DPYD: variants seen among roughly 807,000 people sequenced by gnomAD.
DPYD encodes dihydropyrimidine dehydrogenase [NADP(+)].
In DPYD, 109 loss-of-function variants were observed where a neutral mutation model predicts 116.2. The observed-to-expected ratio is 0.94, with a 90% CI of 0.80 to 1.10. The LOEUF (loss-of-function observed/expected upper bound fraction) is 1.10. Among genes scored for constraint, DPYD ranks in the 50% least tolerant of loss-of-function variants. The probability of loss-of-function intolerance (pLI) is 0.00; values close to 1 mark genes in which losing one functional copy is unlikely to be tolerated. For synonymous variants in DPYD, 440 were observed against 432.0 expected, an observed-to-expected ratio of 1.02 and a Z score of -0.23; for missense variants, 1,302 against 1,254.5, an observed-to-expected ratio of 1.04 and a Z score of -0.57.
intron 6 of DPYD, 147 bp from the exon 7 acceptor site, chr1:97,691,945 T>C: frequency 2.9e-6 from 2 of 679,340 alleles, no homozygotes; most frequent in Admixed American, 4.3e-5. Context: ...AAGATATGCA[T>C]GAGGACATCT....
At chr1:97,879,075 G>C (rs1672054428) in intron 2 of DPYD, among the ~76,000 whole-genome samples, 1 of 151,890 alleles carries the variant, frequency 6.6e-6, no homozygotes, top group Admixed American at 6.6e-5. Flanking sequence ...CAATTGCATA[G>C]GTTCAGTCTC....
At chr1:97,810,834 T>C (rs1668316847) in intron 3 of DPYD, among the ~76,000 whole-genome samples, 1 of 152,186 alleles carries the variant, frequency 6.6e-6, no homozygotes, top group Non-Finnish European at 1.5e-5. Context: ...ATACTCCTAG[T>C]ATAGAGAGTA....
In DPYD at chr1:97,086,352, G is replaced by GTT. The variant is rs35514561; in HGVS notation, c.2767-3884_2767-3883dup. On this transcript the variant is annotated intron_variant, in intron 21 of 22. Transcript: ENST00000370192. ...GGCGTGAGCCACGGCGCCTGGCCAA[G>GTT]TTTTTTTTTTTTTTTTTAATAGACC... 6.2e-4 allele frequency among the ~76,000 whole-genome samples: 89 copies of GTT among 143,870 alleles called. No individual in the cohort carries two copies. The Middle Eastern group carries it at 0.014, about 23-fold the overall frequency. The allele number at this position is 143,870 out of a possible 152,430, so 94.4% of individuals were successfully genotyped here. A position where few individuals can be genotyped will look rare whatever the true frequency, so the allele number is the denominator to read the frequency against.
intron 8 of DPYD, among the ~76,000 whole-genome samples, chr1:97,609,716 A>C (rs1438196319): frequency 2.6e-5 from 4 of 152,042 alleles, no homozygotes; most frequent in Non-Finnish European, 5.9e-5. Flanking sequence ...GCAGCATTTA[A>C]TCTTTATTGT....
intron 13 of DPYD, among the ~76,000 whole-genome samples, chr1:97,486,538 G>A (rs987666180): frequency 1.4e-4 from 21 of 152,074 alleles, no homozygotes; most frequent in African/African-American, 3.6e-4. Context: ...AGATGTTGGT[G>A]TTTTAAGAGA....
intron 16 of DPYD, among the ~76,000 whole-genome samples, chr1:97,349,782 T>C (rs1670046065): frequency 6.6e-6 from 1 of 152,102 alleles, no homozygotes; most frequent in Admixed American, 6.5e-5. Context: ...GTCTTTGCTA[T>C]TGTGAATAGT....
intron 18 of DPYD, among the ~76,000 whole-genome samples, chr1:97,299,279 T>A (rs559461495): frequency 2.2e-4 from 34 of 152,232 alleles, no homozygotes; most frequent in Middle Eastern, 3.4e-3. Flanking sequence ...TCATTCTTTA[T>A]GAAAAAACAC....
At chr1:97,734,643 T>C (rs1191571935) in intron 4 of DPYD, among the ~76,000 whole-genome samples, 1 of 152,170 alleles carries the variant, frequency 6.6e-6, no homozygotes, top group Non-Finnish European at 1.5e-5. Context: ...CTCTTCTAAT[T>C]AGAAATTAAA....
intron 20 of DPYD, among the ~76,000 whole-genome samples, chr1:97,165,966 C>T (rs1298494726): frequency 1.3e-5 from 2 of 151,934 alleles, no homozygotes; most frequent in African/African-American, 4.8e-5. Context: ...AACACTTATA[C>T]ACTGTTGGTG....
In DPYD at chr1:97,526,182, T is replaced by G. The variant is rs141521555; in HGVS notation, c.1525-10241A>C. On this transcript the variant is annotated intron_variant, in intron 12 of 22. Coordinates refer to ENST00000370192, the MANE Select transcript of DPYD (RefSeq NM_000110.4). ...ATGAATTGGCCTCAGATACTTATCA[T>G]GAGTTACAGGAAGATCTCATGAAAC... Among the ~76,000 whole-genome samples the G allele has an allele frequency of 1.5e-3, 234 of 152,274 alleles. 2 individuals are homozygous for G. The highest frequency in any genetic ancestry group is 5.0e-3 in the African/African-American group (207 of 41,562).
At chr1:97,562,038 G>T (rs561698817) in intron 11 of DPYD, among the ~76,000 whole-genome samples, 1 of 152,246 alleles carries the variant, frequency 6.6e-6, no homozygotes, top group South Asian at 2.1e-4. Context: ...TGCAGATGGG[G>T]ACAATGTATT....
At chr1:97,393,214 T>C (rs1294094084) in intron 14 of DPYD, among the ~76,000 whole-genome samples, 1 of 152,040 alleles carries the variant, frequency 6.6e-6, no homozygotes, top group Non-Finnish European at 1.5e-5. Flanking sequence ...AGCTTTGGAT[T>C]AAAGTGAGAG....
chr1:97,571,140 G>A (rs1034717777), intron 11 of DPYD, among the ~76,000 whole-genome samples: 4 of 152,024 alleles, frequency 2.6e-5, no homozygotes, highest in African/African-American at 9.6e-5. Context: ...AAATAAATAC[G>A]ATAAGGAGAG....
At chr1:97,397,534 C>T (rs80333148) in intron 14 of DPYD, among the ~76,000 whole-genome samples, 1 of 151,978 alleles carries the variant, frequency 6.6e-6, no homozygotes, top group East Asian at 1.9e-4. Context: ...CCTCACCCCA[C>T]CCAACCCTCC....
At chr1:97,675,501 G>A (rs1016964363) in intron 8 of DPYD, among the ~76,000 whole-genome samples, 12 of 152,150 alleles carry the variant, frequency 7.9e-5, no homozygotes, top group Admixed American at 2.0e-4. Flanking sequence ...TCCTTGGACT[G>A]TGGTAGTATT....
chr1:97,365,750 C>A (rs1670999770), intron 16 of DPYD, among the ~76,000 whole-genome samples: 1 of 152,222 alleles, frequency 6.6e-6, no homozygotes, highest in African/African-American at 2.4e-5. Context: ...ACCTCAGTAC[C>A]CCAAGTAGCT....
At chr1:97,586,720 C>T (rs1385066967) in intron 10 of DPYD, among the ~76,000 whole-genome samples, 4 of 150,934 alleles carry the variant, frequency 2.7e-5, no homozygotes, top group Non-Finnish European at 5.9e-5. Flanking sequence ...CTTTTTTTTC[C>T]ACTCACCATC....
At chr1:97,506,803 G>T (rs1281947436) in intron 13 of DPYD, among the ~76,000 whole-genome samples, 2 of 151,964 alleles carry the variant, frequency 1.3e-5, no homozygotes, top group African/African-American at 2.4e-5. Context: ...ATAATTAAAA[G>T]ATTTTTACTT....
intron 19 of DPYD, among the ~76,000 whole-genome samples, chr1:97,221,541 T>C (rs1660771266): frequency 6.6e-6 from 1 of 152,138 alleles, no homozygotes; most frequent in South Asian, 2.1e-4. Context: ...TAATACTCTT[T>C]ATAATATATT....
Sources: gnomAD v4.1 joint callset for allele counts (sites outside exome capture counted in the v4.1 genomes callset) on GRCh38, gnomAD v4.1.1 for gene constraint, MANE v1.5 for transcripts, NCBI Gene and HGNC (gene_info 2026-07-23, HGNC 2026-07-21) for gene names.